The following CPA5 variants were observed in gnomAD, a reference collection of about 807,000 sequenced individuals.
The protein encoded by CPA5 is testicular tissue protein Li 32.
A neutral mutation model predicts 52.2 loss-of-function variants in CPA5; 38 were observed. That is an observed-to-expected ratio of 0.73 (90% CI 0.56 to 0.95). The LOEUF is 0.95. Among genes scored for constraint, CPA5 ranks in the 40% least tolerant of loss-of-function variants. The pLI is 0.00. For missense variants in CPA5, 519 were observed against 566.7 expected (o/e 0.92, Z 0.86); for synonymous variants, 198 against 213.7 (o/e 0.93, Z 0.64).
At position 130,367,233 on chromosome 7, in the gene CPA5, T is replaced by C. The variant is rs782711103; in HGVS notation, c.839-139T>C. 17 of 691,170 alleles carry C rather than the reference T, an allele frequency of 2.5e-5. 1 individual carries two copies. The highest frequency in any genetic ancestry group is 2.0e-5 in the Non-Finnish European group (8 of 399,934). 42.8% of individuals were successfully genotyped at this position (691,170 alleles called of 1,614,324 possible). ...CGTGTCATTTCTGCTCACCTTTCCA[T>C]TGGTCAAAGTAGTCACATGACCTCA... On this transcript the variant is annotated intron_variant, in intron 10 of 12. Transcript: ENST00000474905.
intron 10 of CPA5, among the ~76,000 whole-genome samples, chr7:130,364,284 C>T (rs552533264): frequency 6.6e-6 from 1 of 152,210 alleles, no homozygotes; most frequent in South Asian, 2.1e-4. Context: ...TGTCTGCCTC[C>T]TGGGTTCAAA....
In CPA5 at chr7:130,367,315, A is replaced by G. The variant is rs1796145964; in HGVS notation, c.839-57A>G. On this transcript the variant is annotated intron_variant, in intron 10 of 12. Coordinates refer to ENST00000474905, the MANE Select transcript of CPA5 (RefSeq NM_080385.5). ...GGGAACACACAGGTATTTTGTGAGC[A>G]CCGTCTGTGTCGCACGTGGGGATTT... The G allele has an allele frequency of 1.7e-5, 25 of 1,484,630 alleles. No individual in the cohort carries two copies. The South Asian group carries it at 2.7e-4, about 16-fold the overall frequency. The allele number at this position is 1,484,630 out of a possible 1,614,324, so 92.0% of individuals were successfully genotyped here. A position where few individuals can be genotyped will look rare whatever the true frequency, so the allele number is the denominator to read the frequency against.
At chr7:130,357,395 G>A (rs1351255089) in intron 5 of CPA5, among the ~76,000 whole-genome samples, 1 of 152,134 alleles carries the variant, frequency 6.6e-6, no homozygotes. Flanking sequence ...GCTGAGGTGG[G>A]TGCATCACCT....
the CPA5 span, among the ~76,000 whole-genome samples, chr7:130,374,071 G>A: frequency 6.6e-6 from 1 of 151,784 alleles, no homozygotes; most frequent in Non-Finnish European, 1.5e-5. Flanking sequence ...TCCCAGACCC[G>A]GTCCCAGGCA....
downstream of CPA5, among the ~76,000 whole-genome samples, chr7:130,371,768 G>T (rs1562964742): frequency 6.6e-6 from 1 of 152,106 alleles, no homozygotes; most frequent in Non-Finnish European, 1.5e-5. Flanking sequence ...TGTTGGTCAG[G>T]CTGGTTTCGA....
chr7:130,368,335 C>G (rs1796215433), intron 12 of CPA5, 75 bp from the exon 13 acceptor site: 1 of 1,456,266 alleles, frequency 6.9e-7, no homozygotes, highest in South Asian at 1.3e-5. Context: ...ACTTTCCACC[C>G]AGGATGCCTC....
downstream of CPA5, among the ~76,000 whole-genome samples, chr7:130,370,702 A>G (rs917771589): frequency 4.6e-5 from 7 of 152,216 alleles, no homozygotes; most frequent in African/African-American, 1.7e-4. Flanking sequence ...CATTTGTCCA[A>G]GTGCAGCCGG....
At chr7:130,359,731 G>T (rs1554406130) in intron 6 of CPA5, 44 bp downstream of exon 6, 2 of 1,374,270 alleles carry the variant, frequency 1.5e-6, no homozygotes, top group Non-Finnish European at 2.0e-6. Flanking sequence ...GTGTCTTTGG[G>T]CCCCTTAGGG....
the CPA5 span, among the ~76,000 whole-genome samples, chr7:130,374,497 C>T: frequency 6.6e-6 from 1 of 152,214 alleles, no homozygotes; most frequent in Non-Finnish European, 1.5e-5. Context: ...CCACCTCTCT[C>T]AATTCCCCAA....
At chr7:130,357,952 C>G (rs62471717) in intron 5 of CPA5, among the ~76,000 whole-genome samples, 3,219 of 140,056 alleles carry the variant, frequency 0.023, 80 homozygotes, top group Non-Finnish European at 0.034. Flanking sequence ...TTTTGTGCCT[C>G]TGTGTGTGTG....
intron 4 of CPA5, among the ~76,000 whole-genome samples, chr7:130,349,026 C>A (rs898232346): frequency 6.6e-6 from 1 of 152,170 alleles, no homozygotes; most frequent in African/African-American, 2.4e-5. Context: ...GTTCGTCTAA[C>A]CCTTATTCGA....
chr7:130,361,521 C>T (rs1795790159), intron 7 of CPA5, among the ~76,000 whole-genome samples: 1 of 152,124 alleles, frequency 6.6e-6, no homozygotes, highest in African/African-American at 2.4e-5. Flanking sequence ...AGTTGTCACC[C>T]TGGACTTGGG....
Position 130,359,701 on chromosome 7 carries a change from G to C in CPA5, c.432+14G>C, listed in dbSNP as rs375841601. 2.6e-6 allele frequency: 4 copies of C among 1,554,352 alleles called. No individual in the cohort carries two copies. Among genetic ancestry groups the C allele is most frequent in the Non-Finnish European group, 3.5e-6 (4 of 1,143,480 alleles). On this transcript the variant is annotated intron_variant, in intron 6 of 12. Coordinates refer to ENST00000474905, the MANE Select transcript of CPA5 (RefSeq NM_080385.5). ...ACCCTGGAGGAGGTAGGTCTGGCCG[G>C]GCAAGCTCTGGGCTCTCTTGTGTCT...
chr7:130,369,065 G>A (rs889590876), downstream of CPA5, among the ~76,000 whole-genome samples: 23 of 152,172 alleles, frequency 1.5e-4, no homozygotes, highest in African/African-American at 5.3e-4. Context: ...CCTCTGCCTC[G>A]GTTGGCTTCA....
At chr7:130,354,968 G>A (rs1221250208) in intron 5 of CPA5, among the ~76,000 whole-genome samples, 1 of 152,158 alleles carries the variant, frequency 6.6e-6, no homozygotes, top group African/African-American at 2.4e-5. Context: ...GAGAGGAGAA[G>A]AAGACAACAG....
intron 5 of CPA5, 115 bp from the exon 6 acceptor site, chr7:130,359,474 T>C (rs1795672172): frequency 1.4e-6 from 1 of 691,592 alleles, no homozygotes; most frequent in Non-Finnish European, 2.5e-6. Flanking sequence ...TCATGGTGGC[T>C]CATTCTCCTG....
intron 5 of CPA5, among the ~76,000 whole-genome samples, chr7:130,352,331 C>G (rs536072142): frequency 1.6e-3 from 242 of 151,778 alleles, no homozygotes; most frequent in Non-Finnish European, 2.9e-3. Flanking sequence ...GGCCCTGTAT[C>G]CAGGACAGCT....
chr7:130,353,347 CA>C (rs1429173901), intron 5 of CPA5, among the ~76,000 whole-genome samples: 20 of 152,316 alleles, frequency 1.3e-4, no homozygotes, highest in African/African-American at 4.6e-4. Context: ...CCTCTTCCAA[CA>C]GCACAACTGG....
intron 4 of CPA5, 113 bp from the exon 5 acceptor site, chr7:130,349,862 T>C: frequency 7.8e-7 from 1 of 1,278,768 alleles, no homozygotes; most frequent in Non-Finnish European, 1.1e-6. Context: ...ATCTCCTGCG[T>C]AGAAAGAGGG....
Sources: gnomAD v4.1 joint callset for allele counts (sites outside exome capture counted in the v4.1 genomes callset) on GRCh38, gnomAD v4.1.1 for gene constraint, MANE v1.5 for transcripts, NCBI Gene and HGNC (gene_info 2026-07-23, HGNC 2026-07-21) for gene names.